The following USP53 variants were observed in gnomAD, a reference collection of about 807,000 sequenced individuals.
USP53 encodes ubiquitin carboxyl-terminal hydrolase 53.
USP53 carries 71 observed loss-of-function variants against 94.9 expected under a neutral mutation model. The ratio of observed to expected loss-of-function variants is 0.75; its 90% confidence interval spans 0.62 to 0.91. USP53 has a LOEUF of 0.91. Ranked by LOEUF, USP53 falls within the 40% of genes least tolerant of loss-of-function variation. The pLI is 0.00. For synonymous variants in USP53, 375 were observed against 422.7 expected (o/e 0.89, Z 1.39); for missense variants, 1,173 against 1,281.0 (o/e 0.92, Z 1.29).
In USP53 at chr4:119,244,601, G is replaced by A. The variant is rs1047096224; in HGVS notation, c.145-736G>A. On this transcript the variant is annotated intron_variant, in intron 5 of 18. Transcript: ENST00000692078. Reference sequence around the variant, plus strand: ...TTTAATCCTTACAAGAACTCTATGAGACACAAGTACTATTCTTATCCTCAT... The same window carrying A: ...TTTAATCCTTACAAGAACTCTATGAAACACAAGTACTATTCTTATCCTCAT... Among the ~76,000 whole-genome samples, 9 of 152,262 alleles carry A rather than the reference G, an allele frequency of 5.9e-5. No individual in the cohort carries two copies. In the East Asian group the frequency reaches 1.5e-3, roughly 26 times the overall value.
Position 119,293,157 on chromosome 4 carries a change from G to C in USP53, c.3168G>C (p.Arg1056Ser). 1 of 1,612,010 alleles carries C rather than the reference G, an allele frequency of 6.2e-7. No homozygotes were observed. The highest frequency in any genetic ancestry group is 8.5e-7 in the Non-Finnish European group (1 of 1,179,740). Reference sequence around the variant, plus strand: ...CATATAGATTGAAATACCATCAGAGGCCCAAGCTCTCTTTTCCAGAGAGCA... The same window carrying C: ...CATATAGATTGAAATACCATCAGAGCCCCAAGCTCTCTTTTCCAGAGAGCA... The part of the protein sequence containing the change: ...TDTYRLKYHQ[R>S]PKLSFPESSG... The change falls in exon 19 of 19, where the codon AGG (arginine) becomes AGC (serine). Residue 1056 changes from arginine to serine, a missense_variant. By Grantham distance (110) the Arg-to-Ser change is moderately radical. Coordinates refer to ENST00000692078, the MANE Select transcript of USP53 (RefSeq NM_001371395.1).
intron 12 of USP53, among the ~76,000 whole-genome samples, chr4:119,263,535 G>A (rs1750749978): frequency 6.6e-6 from 1 of 152,156 alleles, no homozygotes; most frequent in African/African-American, 2.4e-5. Flanking sequence ...TGCATGTGAG[G>A]GGTGAACCCA....
At chr4:119,263,304 T>G (rs1047913338) in intron 12 of USP53, among the ~76,000 whole-genome samples, 1 of 152,204 alleles carries the variant, frequency 6.6e-6, no homozygotes, top group Non-Finnish European at 1.5e-5. Flanking sequence ...AATTACCCCC[T>G]GCTTACTGCC....
chr4:119,265,992 A>C (rs1454665126), intron 12 of USP53, among the ~76,000 whole-genome samples: 1 of 152,208 alleles, frequency 6.6e-6, no homozygotes, highest in African/African-American at 2.4e-5. Flanking sequence ...GAACATGTTC[A>C]TCTGCTAGAA....
Position 119,227,685 on chromosome 4 carries a change from G to A in USP53, c.-664-7605G>A, listed in dbSNP as rs1231815275. On this transcript the variant is annotated intron_variant, in intron 3 of 18. Coordinates refer to ENST00000692078, the MANE Select transcript of USP53 (RefSeq NM_001371395.1). ...TTCAAAAACTTAGGAAGGCACTTTGGCAATTTTCTATAAAGTTAAACATGC... is the reference window on the plus strand; with the variant it reads ...TTCAAAAACTTAGGAAGGCACTTTGACAATTTTCTATAAAGTTAAACATGC... 3.9e-5 allele frequency among the ~76,000 whole-genome samples: 6 copies of A among 152,280 alleles called. No homozygotes were observed. In the East Asian group the frequency reaches 1.2e-3, roughly 29 times the overall value.
chr4:119,239,845 C>G lies in USP53; in HGVS notation c.86C>G (p.Thr29Ser). 1 of 1,612,436 alleles carries G rather than the reference C, an allele frequency of 6.2e-7. No individual in the cohort carries two copies. The highest frequency in any genetic ancestry group is 8.5e-7 in the Non-Finnish European group (1 of 1,179,214). Residue 29 changes from threonine (T) to serine (S), a missense_variant, in exon 5 of 19, where the codon ACC (threonine) becomes AGC (serine). Thr to Ser is a moderately conservative substitution (Grantham distance 58). Transcript: ENST00000692078. Reference sequence around the variant, plus strand: ...GGAAGTATGCTATCACTAGCCCCTACCAAAGGCTTGTTAAATGAACCAGGA... The same window carrying G: ...GGAAGTATGCTATCACTAGCCCCTAGCAAAGGCTTGTTAAATGAACCAGGA... ...QPGSMLSLAP[T>S]KGLLNEPGQN...
At chr4:119,219,366 C>A (rs981958545) in intron 3 of USP53, 1 of 152,318 alleles carries the variant, frequency 6.6e-6, no homozygotes, top group African/African-American at 2.4e-5. Flanking sequence ...CCTTGACTTG[C>A]AGCTTCATCC....
chr4:119,227,351 C>T (rs905122178), intron 3 of USP53, among the ~76,000 whole-genome samples: 1 of 149,178 alleles, frequency 6.7e-6, no homozygotes, highest in African/African-American at 2.5e-5. Context: ...TTTAAAACCT[C>T]TACAGGGCCG....
At chr4:119,245,845 A>G (rs778998118) in intron 6 of USP53, among the ~76,000 whole-genome samples, 3 of 152,216 alleles carry the variant, frequency 2.0e-5, no homozygotes, top group Non-Finnish European at 2.9e-5. Flanking sequence ...GCAAAATATT[A>G]TAGAGTATGT....
rs75896930 is a variant in USP53, at chr4:119,239,533, G to A, written c.-227G>A. 0.013 allele frequency: 6,271 copies of A among 470,616 alleles called. 330 individuals carry two copies. The highest frequency in any genetic ancestry group is 0.11 in the African/African-American group (5,711 of 50,842). 29.2% of individuals were successfully genotyped at this position (470,616 alleles called of 1,614,324 possible). A position where few individuals can be genotyped will look rare whatever the true frequency, so the allele number is the denominator to read the frequency against. ...CATCTTTAACGCCTTGTTTAAAATA[G>A]CTTTCTTTTTTAGTGCTTAGAACTT... On this transcript the variant is annotated 5_prime_UTR_variant, in exon 5 of 19. Coordinates refer to ENST00000692078, the MANE Select transcript of USP53 (RefSeq NM_001371395.1).
At chr4:119,267,287 G>A in intron 12 of USP53, 33 bp from the exon 13 acceptor site, 1 of 1,597,792 alleles carries the variant, frequency 6.3e-7, no homozygotes, top group Non-Finnish European at 8.5e-7. Context: ...ACAAGGTTTT[G>A]TTTTGTCTTT....
rs750283127 is a variant in USP53, at chr4:119,260,581, C to A, written c.750C>A (p.Val250=). ...CAGAGATTGTTACAATTGGTTTAGT[C>A]TGGGACTCCGAGCATTCTGACTTGA... ...NCPEIVTIGL[V]WDSEHSDLTE... Residue 250 remains valine, a synonymous_variant, in exon 11 of 19, where the codon GTC becomes GTA. Coordinates refer to ENST00000692078, the MANE Select transcript of USP53 (RefSeq NM_001371395.1). 1 of 1,614,040 alleles carries A rather than the reference C, an allele frequency of 6.2e-7. No individual in the cohort carries two copies. Among genetic ancestry groups the A allele is most frequent in the Non-Finnish European group, 8.5e-7 (1 of 1,179,950 alleles).
intron 5 of USP53, among the ~76,000 whole-genome samples, chr4:119,241,352 A>G (rs911769062): frequency 1.3e-5 from 2 of 152,154 alleles, no homozygotes; most frequent in African/African-American, 4.8e-5. Flanking sequence ...ATAGATCCAC[A>G]TTCCATCTGA....
At chr4:119,214,245 C>T (rs1320927773) in intron 2 of USP53, 23 bp downstream of exon 2, 2 of 151,344 alleles carry the variant, frequency 1.3e-5, no homozygotes, top group East Asian at 3.9e-4. Context: ...TAATTATAGT[C>T]TGAGAAATAA....
In USP53 at chr4:119,215,630, CT is replaced by C. The variant is rs1240428756; in HGVS notation, c.-789+1416del. Among the ~76,000 whole-genome samples, 25 of 150,340 alleles carry C rather than the reference CT, an allele frequency of 1.7e-4. No individual in the cohort carries two copies. In the South Asian group the frequency reaches 4.4e-3, roughly 26 times the overall value. On this transcript the variant is annotated intron_variant, in intron 2 of 18. Transcript: ENST00000692078. ...GATCTTAGTATTTTTTTTTCTTTTT[CT>C]TTTTTTTATGCTATGAATTTTATTT...
At chr4:119,239,980 A>T in intron 5 of USP53, 77 bp downstream of exon 5, 3 of 1,254,430 alleles carry the variant, frequency 2.4e-6, no homozygotes, top group Non-Finnish European at 3.1e-6. Flanking sequence ...TTTAGCTCAT[A>T]AATTAAAAAT....
intron 2 of USP53, among the ~76,000 whole-genome samples, chr4:119,216,748 A>G (rs960763689): frequency 2.0e-5 from 3 of 152,230 alleles, no homozygotes; most frequent in African/African-American, 7.2e-5. Context: ...AGAAATTGAT[A>G]TTTCATTGAA....
In USP53 at chr4:119,294,797, T is replaced by C. The variant is rs1246474245; in HGVS notation, c.*1586T>C. On this transcript the variant is annotated 3_prime_UTR_variant, in exon 19 of 19. Transcript: ENST00000692078. ...CTGCCTATAGTTTTTACTAGCCTTT[T>C]TAAACTATAATAGTGAGTGATCATT... 6.6e-6 allele frequency: 1 copy of C among 152,144 alleles called. No homozygotes were observed. Among genetic ancestry groups the C allele is most frequent in the Non-Finnish European group, 1.5e-5 (1 of 67,970 alleles). The allele number at this position is 152,144 out of a possible 1,614,324, so 9.4% of individuals were successfully genotyped here.
chr4:119,276,440 G>T (rs1002133734), intron 17 of USP53, among the ~76,000 whole-genome samples: 1 of 151,370 alleles, frequency 6.6e-6, no homozygotes, highest in Non-Finnish European at 1.5e-5. Flanking sequence ...TGCATCCCAG[G>T]GATGAAGCCC....
Sources: allele counts gnomAD v4.1 joint callset (sites outside exome capture counted in the v4.1 genomes callset), GRCh38; gene constraint gnomAD v4.1.1; transcripts MANE v1.5; gene names NCBI Gene and HGNC (gene_info 2026-07-23, HGNC 2026-07-21).